LRP11: variants seen among roughly 807,000 people sequenced by gnomAD.
The protein encoded by LRP11 is LDL receptor related protein 11.
Under a neutral mutation model 43.1 loss-of-function variants are expected in LRP11, and 25 were observed. The ratio of observed to expected loss-of-function variants is 0.58; its 90% confidence interval spans 0.42 to 0.81. LRP11 has a LOEUF of 0.81. Ranked by LOEUF, LRP11 falls within the 30% of genes least tolerant of loss-of-function variation. The probability of loss-of-function intolerance (pLI) is 0.00; values close to 1 mark genes in which losing one functional copy is unlikely to be tolerated. For missense variants in LRP11, 623 were observed against 665.1 expected, an observed-to-expected ratio of 0.94 and a Z score of 0.70; for synonymous variants, 316 against 299.4, an observed-to-expected ratio of 1.06 and a Z score of -0.57.
intron 1 of LRP11, among the ~76,000 whole-genome samples, chr6:149,856,328 G>T (rs1776798885): frequency 6.6e-6 from 1 of 152,204 alleles, no homozygotes; most frequent in Non-Finnish European, 1.5e-5. Context: ...TGAGCTTTAA[G>T]ATGAATTATA....
intron 3 of LRP11, among the ~76,000 whole-genome samples, chr6:149,842,396 T>C (rs1235891947): frequency 6.6e-6 from 1 of 152,246 alleles, no homozygotes; most frequent in African/African-American, 2.4e-5. Flanking sequence ...TGTAATCTTT[T>C]TGTGATGACA....
intron 4 of LRP11, among the ~76,000 whole-genome samples, chr6:149,836,887 G>A (rs1231843502): frequency 1.3e-5 from 2 of 151,934 alleles, no homozygotes; most frequent in Admixed American, 6.6e-5. Context: ...GAGACTCTTC[G>A]TCCTTCCTCA....
chr6:149,842,237 A>G (rs186459095), intron 3 of LRP11, among the ~76,000 whole-genome samples: 115 of 152,088 alleles, frequency 7.6e-4, no homozygotes, highest in Non-Finnish European at 1.4e-3. Context: ...ATCCTGTGGT[A>G]TGCCTTTTCC....
At position 149,853,150 on chromosome 6, in the gene LRP11, C is replaced by G; in HGVS notation, c.624G>C (p.Ala208=). 1 of 1,566,696 alleles carries G rather than the reference C, an allele frequency of 6.4e-7. No individual in the cohort carries two copies. Among genetic ancestry groups the G allele is most frequent in the Non-Finnish European group, 8.6e-7 (1 of 1,161,692 alleles). Residue 208 remains alanine (A), a synonymous_variant, in exon 2 of 7, where the codon GCG becomes GCC. Transcript: ENST00000239367. Reference sequence around the variant, plus strand: ...CCTGCCCAGCCTTGCTAAGTGGAGGCGCATCCTTTTCTGAGAAAGAAAATA... The same window carrying G: ...CCTGCCCAGCCTTGCTAAGTGGAGGGGCATCCTTTTCTGAGAAAGAAAATA... ...ARASPRQEKD[A]PPLSKAGQDV...
rs541827577 is a variant in LRP11, at chr6:149,863,098, T to G, written c.613+310A>C. Among the ~76,000 whole-genome samples the G allele has an allele frequency of 4.6e-5, 7 of 152,288 alleles. No individual in the cohort carries two copies. The South Asian group carries it at 1.4e-3, about 32-fold the overall frequency. Reference sequence around the variant, plus strand: ...CACAAACCATGCCTTATACAACCCATGAGACTAAAACAAACTTTTTTCTCT... The same window carrying G: ...CACAAACCATGCCTTATACAACCCAGGAGACTAAAACAAACTTTTTTCTCT... On this transcript the variant is annotated intron_variant, in intron 1 of 6. Transcript: ENST00000239367.
chr6:149,833,387 T>C (rs991382937), intron 5 of LRP11, among the ~76,000 whole-genome samples: 5 of 152,216 alleles, frequency 3.3e-5, no homozygotes, highest in Admixed American at 1.3e-4. Flanking sequence ...GGGCTCTTTC[T>C]AACATTTTCA....
At chr6:149,843,215 C>T in intron 2 of LRP11, 91 bp from the exon 3 acceptor site, 1 of 1,475,456 alleles carries the variant, frequency 6.8e-7, no homozygotes, top group Non-Finnish European at 9.4e-7. Flanking sequence ...GTCCTCAGAG[C>T]AGCCCCAGGA....
intron 1 of LRP11, among the ~76,000 whole-genome samples, chr6:149,860,136 C>G (rs2115424250): frequency 6.6e-6 from 1 of 152,250 alleles, no homozygotes; most frequent in Non-Finnish European, 1.5e-5. Context: ...GGAAGGTCAA[C>G]TCTTTTGTTT....
chr6:149,838,932 G>C (rs1776508532), intron 3 of LRP11, among the ~76,000 whole-genome samples: 2 of 152,174 alleles, frequency 1.3e-5, no homozygotes, highest in African/African-American at 4.8e-5. Context: ...TACAGGGACA[G>C]AGTGGACTAG....
At chr6:149,835,607 C>CA (rs894635595) in intron 5 of LRP11, among the ~76,000 whole-genome samples, 41 of 151,262 alleles carry the variant, frequency 2.7e-4, no homozygotes, top group African/African-American at 8.7e-4. Context: ...GACCCTGTCT[C>CA]AAAAAAAATA....
intron 6 of LRP11, among the ~76,000 whole-genome samples, chr6:149,823,795 C>A (rs1008581882): frequency 6.6e-6 from 1 of 152,118 alleles, no homozygotes; most frequent in Admixed American, 6.5e-5. Context: ...CTGGAAGAGG[C>A]CAGCATTCCT....
chr6:149,864,159 C>T lies in LRP11; in HGVS notation c.-139G>A. On this transcript the variant is annotated 5_prime_UTR_variant, in exon 1 of 7. Transcript: ENST00000239367. ...GCCCCGGCCTCACAGCGCGGCGCCC[C>T]CGAACCCGGCTGCTCCCCCGAGGTC... is the stretch of plus-strand genomic sequence containing the variant. The T allele has an allele frequency of 4.4e-6, 5 of 1,148,414 alleles. No individual in the cohort carries two copies. The highest frequency in any genetic ancestry group is 5.3e-6 in the Non-Finnish European group (5 of 935,380). 71.1% of individuals were successfully genotyped at this position (1,148,414 alleles called of 1,614,324 possible). A position where few individuals can be genotyped will look rare whatever the true frequency, so the allele number is the denominator to read the frequency against.
At chr6:149,839,429 T>G (rs1018753421) in intron 3 of LRP11, among the ~76,000 whole-genome samples, 5 of 151,754 alleles carry the variant, frequency 3.3e-5, no homozygotes, top group Non-Finnish European at 7.4e-5. Context: ...GGAGCGGAGG[T>G]GGGGGACACG....
At chr6:149,842,758 T>C in intron 3 of LRP11, 2 of 1,418,570 alleles carry the variant, frequency 1.4e-6, no homozygotes, top group Non-Finnish European at 1.9e-6. Flanking sequence ...GCATCTCTTC[T>C]CATCCCCTGG....
chr6:149,859,649 G>C (rs1776861888), intron 1 of LRP11, among the ~76,000 whole-genome samples: 1 of 151,728 alleles, frequency 6.6e-6, no homozygotes, highest in Non-Finnish European at 1.5e-5. Flanking sequence ...ACCTGCGTTG[G>C]CCTCCCAAAG....
In LRP11 at chr6:149,863,903, G is replaced by A. The variant is rs1201007569; in HGVS notation, c.118C>T (p.Pro40Ser). The change falls in exon 1 of 7, where the codon CCG becomes TCG. Residue 40 changes from proline (P) to serine (S), a missense_variant. Transcript: ENST00000239367. Reference protein sequence around the residue: ...LWLPSGRAALPPAAPLSELHA... With the variant: ...LWLPSGRAALSPAAPLSELHA... Reference sequence around the variant, plus strand: ...AGTTCGGACAGCGGCGCCGCGGGCGGCAAGGCCGCACGGCCGCTTGGCAGC... The same window carrying A: ...AGTTCGGACAGCGGCGCCGCGGGCGACAAGGCCGCACGGCCGCTTGGCAGC... 6.7e-7 allele frequency: 1 copy of A among 1,483,610 alleles called. No individual in the cohort carries two copies. Among genetic ancestry groups the A allele is most frequent in the Non-Finnish European group, 8.9e-7 (1 of 1,124,498 alleles). 91.9% of individuals were successfully genotyped at this position (1,483,610 alleles called of 1,614,324 possible).
At chr6:149,842,534 G>C in intron 3 of LRP11, 1 of 998,032 alleles carries the variant, frequency 1.0e-6, no homozygotes, top group Admixed American at 2.0e-5. Flanking sequence ...TGTACCCTTT[G>C]ACCAGCGTCT....
intron 1 of LRP11, among the ~76,000 whole-genome samples, chr6:149,853,882 ATCC>A (rs987388879): frequency 6.6e-5 from 10 of 152,258 alleles, no homozygotes; most frequent in African/African-American, 2.4e-4. Context: ...TTTTTTTCTT[ATCC>A]TCAAGTTTTA....
At chr6:149,849,308 T>C (rs7744105) in intron 2 of LRP11, among the ~76,000 whole-genome samples, 55,020 of 152,100 alleles carry the variant, frequency 0.36, 10,834 homozygotes, top group East Asian at 0.82. Context: ...ATTTAATGGG[T>C]TGCCTGAAAA....
Sources: gnomAD v4.1 joint callset for allele counts (sites outside exome capture counted in the v4.1 genomes callset) on GRCh38, gnomAD v4.1.1 for gene constraint, MANE v1.5 for transcripts, NCBI Gene and HGNC (gene_info 2026-07-23, HGNC 2026-07-21) for gene names.